The following MICALL1 variants were observed in gnomAD, a reference collection of about 807,000 sequenced individuals.
MICALL1 encodes the protein MICAL-like protein 1.
Under a neutral mutation model 83.7 loss-of-function variants are expected in MICALL1, and 61 were observed. The observed-to-expected ratio is 0.73, with a 90% CI of 0.59 to 0.90. The LOEUF is 0.90. Ranked by LOEUF, MICALL1 falls within the 40% of genes least tolerant of loss-of-function variation. The pLI, the probability that MICALL1 is intolerant of heterozygous loss-of-function variation, is 0.00. For synonymous variants in MICALL1, 481 were observed against 473.6 expected (o/e 1.02, Z -0.20); for missense variants, 1,066 against 1,152.0 (o/e 0.93, Z 1.08).
chr22:37,931,415 G>A (rs1156947540), intron 9 of MICALL1, among the ~76,000 whole-genome samples: 4 of 152,024 alleles, frequency 2.6e-5, no homozygotes, highest in Admixed American at 1.3e-4. Context: ...TTAGCCAGGC[G>A]TGGTGGTGCA....
rs1033727939 is a variant in MICALL1 at position 37,930,457 on chromosome 22, G to A, written c.1882-1342G>A. The stretch of plus-strand genomic sequence containing the variant: ...GAAACCCCAGAGCAGCTCCCACCCC[G>A]AGAGCCTCTCTCCCTGGGCTGGCAC... On this transcript the variant is annotated intron_variant, in intron 9 of 15. Transcript: ENST00000215957. This position sits in a 1 kb window ranked among gnomAD's most constrained non-coding sequence, Gnocchi z 4.8. Among the ~76,000 whole-genome samples the A allele has an allele frequency of 3.9e-5, 6 of 152,212 alleles. No homozygotes were observed. The highest frequency in any genetic ancestry group is 3.3e-4 in the Admixed American group (5 of 15,284).
chr22:37,928,762 G>A (rs570151333), intron 9 of MICALL1, among the ~76,000 whole-genome samples: 27 of 152,170 alleles, frequency 1.8e-4, no homozygotes, highest in African/African-American at 5.8e-4. Flanking sequence ...CAGTCATCCC[G>A]TATTGTCTGT....
At chr22:37,920,733 A>C (rs2145905787) in intron 5 of MICALL1, among the ~76,000 whole-genome samples, 1 of 152,162 alleles carries the variant, frequency 6.6e-6, no homozygotes, top group African/African-American at 2.4e-5. Context: ...CATCCTGGCT[A>C]ACACGGTGAA....
At chr22:37,937,670 C>T (rs1930211528) in intron 14 of MICALL1, 76 bp from the exon 15 acceptor site, 1 of 1,498,506 alleles carries the variant, frequency 6.7e-7, no homozygotes, top group East Asian at 2.3e-5. Flanking sequence ...GTGATCCACC[C>T]ACCTTGGCCT....
rs987303618 is a variant in MICALL1 at position 37,906,620 on chromosome 22, G to C, written c.146+52G>C. 2 of 1,141,138 alleles carry C rather than the reference G, an allele frequency of 1.8e-6. No homozygotes were observed. Among genetic ancestry groups the C allele is most frequent in the South Asian group, 4.3e-5 (1 of 23,484 alleles). The allele number at this position is 1,141,138 out of a possible 1,614,324, so 70.7% of individuals were successfully genotyped here. On this transcript the variant is annotated intron_variant, in intron 1 of 15. Coordinates refer to ENST00000215957, the MANE Select transcript of MICALL1 (RefSeq NM_033386.4). This position sits in a 1 kb window ranked among gnomAD's most constrained non-coding sequence, Gnocchi z 4.4. ...GCGGCGCGGGGCGGGCTGGGGCCGC[G>C]ACCGCCGCCCCCCCTCAGTAACACG...
chr22:37,926,090 G>A, intron 8 of MICALL1, 47 bp downstream of exon 8: 1 of 1,534,466 alleles, frequency 6.5e-7, no homozygotes, highest in Non-Finnish European at 8.8e-7. Flanking sequence ...ACTCGGGGGT[G>A]GGGCCCGGGC....
Position 37,911,937 on chromosome 22 carries a change from C to T in MICALL1, c.147-15C>T, listed in dbSNP as rs781389421. ...CTCCCCTCTTGACCAACCCTCCTCCCTTTGCCTCTTGCAGAGATTTTGATT... is the reference window on the plus strand; with the variant it reads ...CTCCCCTCTTGACCAACCCTCCTCCTTTTGCCTCTTGCAGAGATTTTGATT... On this transcript the variant is annotated splice_polypyrimidine_tract_variant and intron_variant, in intron 1 of 15. Transcript: ENST00000215957. 7 of 1,614,192 alleles carry T rather than the reference C, an allele frequency of 4.3e-6. No homozygotes were observed. Among genetic ancestry groups the T allele is most frequent in the Non-Finnish European group, 5.9e-6 (7 of 1,180,014 alleles).
At chr22:37,911,875 C>CT in intron 1 of MICALL1, 77 bp from the exon 2 acceptor site, 1 of 1,447,652 alleles carries the variant, frequency 6.9e-7, no homozygotes, top group Non-Finnish European at 9.7e-7. Context: ...TGTTCAGCTC[C>CT]TTTCTGACTC....
rs559904995 is a variant in MICALL1 at position 37,938,401 on chromosome 22, CAAAAA to C, written c.2470+624_2470+628del. ...TGGGTGACAGAGCGAGACTCAGTCT[CAAAAA>C]AAAAAAAAAAAAAAGTACTGGACTG... On this transcript the variant is annotated intron_variant, in intron 15 of 15. Transcript: ENST00000215957. Among the ~76,000 whole-genome samples the C allele has an allele frequency of 9.8e-3, 579 of 59,166 alleles. 3 individuals are homozygous for C. Among genetic ancestry groups the C allele is most frequent in the Middle Eastern group, 0.026 (3 of 116 alleles). 38.8% of individuals were successfully genotyped at this position (59,166 alleles called of 152,430 possible).
At chr22:37,928,408 G>A (rs563835931) in intron 9 of MICALL1, among the ~76,000 whole-genome samples, 12 of 148,956 alleles carry the variant, frequency 8.1e-5, no homozygotes, top group East Asian at 8.0e-4. Context: ...GGGTTTCACC[G>A]TGTTAGCCAA....
rs1927981149 is a variant in MICALL1 at position 37,906,759 on chromosome 22, C to T, written c.146+191C>T. On this transcript the variant is annotated intron_variant, in intron 1 of 15. Transcript: ENST00000215957. This position sits in a 1 kb window ranked among gnomAD's most constrained non-coding sequence, Gnocchi z 4.4. ...CGGCCCAGGGCGCCCCTCCCCCGCC[C>T]GGCCGCCCTGACCCCGCCCGTGGGA... 3.4e-6 allele frequency: 1 copy of T among 296,562 alleles called. No individual in the cohort carries two copies. The allele number at this position is 296,562 out of a possible 1,614,324, so 18.4% of individuals were successfully genotyped here.
At chr22:37,909,380 A>T (rs1254974694) in intron 1 of MICALL1, among the ~76,000 whole-genome samples, 4 of 117,280 alleles carry the variant, frequency 3.4e-5, no homozygotes, top group Admixed American at 1.8e-4. Flanking sequence ...TTTTTTTGAG[A>T]CGGAGTCTCG....
intron 1 of MICALL1, among the ~76,000 whole-genome samples, chr22:37,911,112 A>T (rs1267307202): frequency 6.9e-6 from 1 of 144,458 alleles, no homozygotes; most frequent in Non-Finnish European, 1.5e-5. Flanking sequence ...TAAAGCCTGC[A>T]GGCCAGCCAG....
Position 37,927,571 on chromosome 22 carries a change from C to T in MICALL1, c.1626C>T (p.Val542=), listed in dbSNP as rs141152922. The T allele has an allele frequency of 3.7e-5, 60 of 1,613,540 alleles. No homozygotes were observed. Among genetic ancestry groups the T allele is most frequent in the Non-Finnish European group, 4.8e-5 (57 of 1,179,562 alleles). The change falls in exon 9 of 16, where the codon GTC becomes GTT. Residue 542 remains valine, a synonymous_variant. Coordinates refer to ENST00000215957, the MANE Select transcript of MICALL1 (RefSeq NM_033386.4). ...CCAAGAGCTCCTCAGAGCCTGCTGTCCATGCCCCTGGTACCCCTGGAAACC... is the reference window on the plus strand; with the variant it reads ...CCAAGAGCTCCTCAGAGCCTGCTGTTCATGCCCCTGGTACCCCTGGAAACC... ...AVPKSSSEPA[V]HAPGTPGNPV...
Position 37,927,432 on chromosome 22 carries a change from C to T in MICALL1, c.1487C>T (p.Ser496Leu), listed in dbSNP as rs145765048. The T allele has an allele frequency of 1.1e-5, 17 of 1,590,876 alleles. No individual in the cohort carries two copies. The highest frequency in any genetic ancestry group is 5.4e-5 in the African/African-American group (4 of 74,758). ...ACAGCTCTCCACGCCTCCCGCCTCTCGCACTCGGAGCCGCCCTCGGCCACA... is the reference window on the plus strand; with the variant it reads ...ACAGCTCTCCACGCCTCCCGCCTCTTGCACTCGGAGCCGCCCTCGGCCACA... ...SPLALHASRL[S>L]HSEPPSATPS... Residue 496 changes from serine to leucine, a missense_variant, in exon 9 of 16, where the codon TCG becomes TTG. Transcript: ENST00000215957.
rs974002737 is a variant in MICALL1 at position 37,923,761 on chromosome 22, T to C, written c.1025-899T>C. Among the ~76,000 whole-genome samples the C allele has an allele frequency of 2.6e-5, 4 of 152,176 alleles. No homozygotes were observed. The East Asian group carries it at 7.7e-4, about 29-fold the overall frequency. On this transcript the variant is annotated intron_variant, in intron 6 of 15. Coordinates refer to ENST00000215957, the MANE Select transcript of MICALL1 (RefSeq NM_033386.4). ...CCCGAGCTCTCTGGGACTCTGCACATTGGTGTCCTTCCTGTGTGTCCTGGC... is the reference window on the plus strand; with the variant it reads ...CCCGAGCTCTCTGGGACTCTGCACACTGGTGTCCTTCCTGTGTGTCCTGGC...
intron 5 of MICALL1, among the ~76,000 whole-genome samples, chr22:37,920,355 C>A (rs940584045): frequency 4.6e-5 from 7 of 151,996 alleles, no homozygotes; most frequent in African/African-American, 1.7e-4. Flanking sequence ...GAGTGGGGGG[C>A]AGCTGGTGCT....
At chr22:37,940,122 C>T (rs898342843) in intron 15 of MICALL1, among the ~76,000 whole-genome samples, 1 of 151,040 alleles carries the variant, frequency 6.6e-6, no homozygotes, top group African/African-American at 2.4e-5. Flanking sequence ...GGATGCCATG[C>T]TTCAGAATTC....
intron 3 of MICALL1, among the ~76,000 whole-genome samples, chr22:37,913,613 G>T (rs1928478486): frequency 6.6e-6 from 1 of 152,198 alleles, no homozygotes; most frequent in Non-Finnish European, 1.5e-5. Context: ...AAGTGACTCG[G>T]TTCTGAGTGA....
Sources: gnomAD v4.1 joint callset for allele counts (sites outside exome capture counted in the v4.1 genomes callset) on GRCh38, gnomAD v4.1.1 for gene constraint, Gnocchi (gnomAD v3.1) non-coding constraint, MANE v1.5 for transcripts, NCBI Gene and HGNC (gene_info 2026-07-23, HGNC 2026-07-21) for gene names.